The following SS18 variants were observed in gnomAD, a reference collection of about 807,000 sequenced individuals.
SS18 encodes the protein SS18 subunit of BAF chromatin remodeling complex.
SS18 carries 28 observed loss-of-function variants against 72.5 expected under a neutral mutation model. That is an observed-to-expected ratio of 0.39 (90% CI 0.29 to 0.53). The LOEUF is 0.53. SS18 is among the 20% of genes least tolerant of loss of function. The probability of loss-of-function intolerance (pLI) is 0.76; values close to 1 mark genes in which losing one functional copy is unlikely to be tolerated. For missense variants in SS18, 518 were observed against 535.3 expected, an observed-to-expected ratio of 0.97 and a Z score of 0.32; for synonymous variants, 172 against 164.2, an observed-to-expected ratio of 1.05 and a Z score of -0.37.
At chr18:26,057,763 A>G (rs781767237) in intron 3 of SS18, 21 bp from the exon 4 acceptor site, 7 of 1,580,664 alleles carry the variant, frequency 4.4e-6, no homozygotes, top group East Asian at 4.5e-5. Context: ...ACAGTTTAGT[A>G]AAACAAGAGA....
intron 10 of SS18, among the ~76,000 whole-genome samples, chr18:26,021,445 C>A (rs1483330750): frequency 6.6e-6 from 1 of 152,308 alleles, no homozygotes. Context: ...AGTAGTCATG[C>A]AGCTTCACCA....
intron 4 of SS18, among the ~76,000 whole-genome samples, chr18:26,053,606 G>A (rs1447829364): frequency 2.0e-5 from 3 of 150,460 alleles, no homozygotes; most frequent in African/African-American, 7.5e-5. Flanking sequence ...CTTAACATAT[G>A]AAGTAAGTAA....
intron 10 of SS18, among the ~76,000 whole-genome samples, chr18:26,031,327 A>G (rs1017930314): frequency 1.3e-5 from 2 of 152,194 alleles, no homozygotes; most frequent in African/African-American, 4.8e-5. Flanking sequence ...GGCATGAGAG[A>G]GGGCTGATCA....
intron 5 of SS18, among the ~76,000 whole-genome samples, chr18:26,044,901 C>T (rs113488391): frequency 1.0e-3 from 157 of 152,226 alleles, no homozygotes; most frequent in Admixed American, 2.2e-3. Flanking sequence ...CCCTGGTCAG[C>T]AATATACCCT....
intron 4 of SS18, among the ~76,000 whole-genome samples, chr18:26,055,384 T>C (rs939458461): frequency 2.6e-5 from 4 of 151,862 alleles, no homozygotes; most frequent in Non-Finnish European, 5.9e-5. Flanking sequence ...GGAGAATCGC[T>C]TGAACCCGGG....
At chr18:26,051,809 C>T (rs2053928851) in intron 5 of SS18, among the ~76,000 whole-genome samples, 1 of 152,110 alleles carries the variant, frequency 6.6e-6, no homozygotes, top group Admixed American at 6.6e-5. Context: ...TATTAAAAAT[C>T]TGTATTATTT....
intron 5 of SS18, among the ~76,000 whole-genome samples, chr18:26,047,566 G>T (rs1057041623): frequency 6.6e-6 from 1 of 152,168 alleles, no homozygotes; most frequent in Non-Finnish European, 1.5e-5. Context: ...AGCCGGGCGT[G>T]GTGGCTCATG....
chr18:26,039,480 C>G (rs772159961), intron 5 of SS18, 24 bp from the exon 6 acceptor site: 2 of 1,569,334 alleles, frequency 1.3e-6, no homozygotes, highest in South Asian at 2.4e-5. Flanking sequence ...CAACATTATA[C>G]ACATAATTTT....
intron 3 of SS18, among the ~76,000 whole-genome samples, chr18:26,062,514 A>AT (rs1465857291): frequency 1.3e-5 from 2 of 152,168 alleles, no homozygotes; most frequent in Non-Finnish European, 2.9e-5. Flanking sequence ...ATAGAAAAAA[A>AT]ATACCTGCCT....
At chr18:26,076,731 T>G (rs1024056941) in intron 3 of SS18, among the ~76,000 whole-genome samples, 1 of 151,954 alleles carries the variant, frequency 6.6e-6, no homozygotes, top group Non-Finnish European at 1.5e-5. Context: ...TTGAGTCATG[T>G]CAGAGGAACA....
At position 26,052,628 on chromosome 18, in the gene SS18, G is replaced by C. The variant is rs1007676735; in HGVS notation, c.603C>G (p.Asn201Lys). 1.2e-6 allele frequency: 2 copies of C among 1,613,122 alleles called. No individual in the cohort carries two copies. The highest frequency in any genetic ancestry group is 1.7e-6 in the Non-Finnish European group (2 of 1,179,116). Residue 201 changes from asparagine to lysine, a missense_variant, in exon 5 of 11, where the codon AAC becomes AAG. Physicochemically the swap from Asn to Lys is moderately conservative, Grantham distance 94 (BLOSUM62 0). Coordinates refer to ENST00000415083, the MANE Select transcript of SS18 (RefSeq NM_001007559.3). ...AAGGACATAAAGCTTAGTTACCTTG[G>C]TTTGGCTGCATACTCATATTTGGTC... ...GPRPNMSMQPNQGPMMHQQPP... is the reference protein window; with the variant it reads ...GPRPNMSMQPKQGPMMHQQPP...
intron 5 of SS18, among the ~76,000 whole-genome samples, chr18:26,047,062 G>A (rs1333866702): frequency 6.6e-6 from 1 of 152,062 alleles, no homozygotes; most frequent in Non-Finnish European, 1.5e-5. Flanking sequence ...ATTGCATACA[G>A]CAAGGCCTGC....
chr18:26,055,199 G>C (rs2053994977), intron 4 of SS18, among the ~76,000 whole-genome samples: 2 of 152,018 alleles, frequency 1.3e-5, no homozygotes, highest in Admixed American at 1.3e-4. Flanking sequence ...GGACTCGGTG[G>C]CTCATGCCTG....
At chr18:26,087,606 TA>T (rs1165726429) in intron 1 of SS18, 29 bp from the exon 2 acceptor site, 7 of 1,271,508 alleles carry the variant, frequency 5.5e-6, no homozygotes, top group Non-Finnish European at 6.8e-6. Context: ...AGGTTTAGCA[TA>T]AAACTAGTGC....
At chr18:26,027,423 C>A (rs192738034) in intron 10 of SS18, among the ~76,000 whole-genome samples, 1 of 151,796 alleles carries the variant, frequency 6.6e-6, no homozygotes, top group African/African-American at 2.4e-5. Flanking sequence ...CCGAAGCAGG[C>A]GGATCACGAG....
chr18:26,021,790 C>T (rs2053355432), intron 10 of SS18, among the ~76,000 whole-genome samples: 1 of 152,086 alleles, frequency 6.6e-6, no homozygotes, highest in Non-Finnish European at 1.5e-5. Context: ...GTGATAGTAC[C>T]CCTCTCTTTG....
intron 5 of SS18, among the ~76,000 whole-genome samples, chr18:26,049,311 A>G (rs9945527): frequency 0.064 from 9,736 of 152,274 alleles, 872 homozygotes; most frequent in African/African-American, 0.2. Flanking sequence ...AGGTGATCAT[A>G]TAACACTTGC....
At chr18:26,032,201 AT>A (rs1020243044) in intron 10 of SS18, among the ~76,000 whole-genome samples, 197 bp downstream of exon 10, 29 of 152,264 alleles carry the variant, frequency 1.9e-4, no homozygotes, top group African/African-American at 7.0e-4. Context: ...GTTTTATATG[AT>A]AGAGTAACTA....
At chr18:26,070,606 T>C (rs2054294920) in intron 3 of SS18, among the ~76,000 whole-genome samples, 1 of 152,230 alleles carries the variant, frequency 6.6e-6, no homozygotes, top group Non-Finnish European at 1.5e-5. Context: ...GTTATTTTTC[T>C]CCTTTTATTC....
Sources: gnomAD v4.1 joint callset for allele counts (sites outside exome capture counted in the v4.1 genomes callset) on GRCh38, gnomAD v4.1.1 for gene constraint, MANE v1.5 for transcripts, NCBI Gene and HGNC (gene_info 2026-07-23, HGNC 2026-07-21) for gene names.